Variants in FABP4 observed in about 807,000 individuals in gnomAD.
FABP4 encodes the protein fatty acid binding protein 4.
A neutral mutation model predicts 14.6 loss-of-function variants in FABP4; 17 were observed. The observed-to-expected ratio is 1.16, with a 90% CI of 0.80 to 1.74. FABP4 has a LOEUF of 1.74. Among genes scored for constraint, FABP4 ranks in the 40% most tolerant of loss-of-function variants. The pLI, the probability that FABP4 is intolerant of heterozygous loss-of-function variation, is 0.00. For synonymous variants in FABP4, 54 were observed against 54.6 expected, an observed-to-expected ratio of 0.99 and a Z score of 0.05; for missense variants, 149 against 160.3, an observed-to-expected ratio of 0.93 and a Z score of 0.38.
intron 1 of FABP4, among the ~76,000 whole-genome samples, chr8:81,481,348 C>T (rs1406935144): frequency 6.6e-6 from 1 of 151,966 alleles, no homozygotes; most frequent in African/African-American, 2.4e-5. Context: ...TAATAAATCA[C>T]TATTTCTTAG....
intron 1 of FABP4, among the ~76,000 whole-genome samples, chr8:81,481,563 T>C (rs1808079963): frequency 6.6e-6 from 1 of 152,208 alleles, no homozygotes. Flanking sequence ...AACATGTGCA[T>C]GTAAATCTAA....
chr8:81,479,105 C>T (rs1467727145), intron 3 of FABP4, among the ~76,000 whole-genome samples, 190 bp from the exon 4 acceptor site: 1 of 152,104 alleles, frequency 6.6e-6, no homozygotes, highest in African/African-American at 2.4e-5. Context: ...GTTTTCCCCT[C>T]CAGGTGCCTT....
At position 81,478,820 on chromosome 8, in the gene FABP4, T is replaced by C. The variant is rs372719605; in HGVS notation, c.*45A>G. The C allele has an allele frequency of 2.1e-5, 33 of 1,538,142 alleles. No individual in the cohort carries two copies. The highest frequency in any genetic ancestry group is 2.3e-5 in the Non-Finnish European group (26 of 1,117,926). ...TTGAACAATATATCCCACAGAATGT[T>C]GTAGAGTTCAATGCGAACTTCAGTC... On this transcript the variant is annotated 3_prime_UTR_variant, in exon 4 of 4. Transcript: ENST00000256104.
chr8:81,480,319 T>C (rs1808057320), intron 2 of FABP4, 107 bp downstream of exon 2: 2 of 1,111,898 alleles, frequency 1.8e-6, no homozygotes, highest in Non-Finnish European at 2.6e-6. Flanking sequence ...CAGGGATCTT[T>C]GGCTTATGAT....
At chr8:81,482,596 A>G (rs987857193) in intron 1 of FABP4, among the ~76,000 whole-genome samples, 1 of 152,202 alleles carries the variant, frequency 6.6e-6, no homozygotes, top group Admixed American at 6.5e-5. Context: ...TCATAAAACA[A>G]CCACATATTT....
intron 2 of FABP4, chr8:81,480,001 AG>A (rs1240346785): frequency 6.5e-6 from 1 of 153,590 alleles, no homozygotes; most frequent in Non-Finnish European, 1.4e-5. Flanking sequence ...TGAGGCCAGG[AG>A]TTCGAGACCA....
chr8:81,479,823 C>T (rs930958095), intron 2 of FABP4: 1 of 207,496 alleles, frequency 4.8e-6, no homozygotes. Flanking sequence ...TTTTTATAAA[C>T]ATTCTCTTAC....
rs556831258 is a variant in FABP4, at chr8:81,482,995, C to T, written c.73+100G>A. ...CTATAGAAAGCAGCATTTTTCATTTCTGGCCAGGGCTTCCAGACATTGCTA... is the reference window on the plus strand; with the variant it reads ...CTATAGAAAGCAGCATTTTTCATTTTTGGCCAGGGCTTCCAGACATTGCTA... On this transcript the variant is annotated intron_variant, in intron 1 of 3. Coordinates refer to ENST00000256104, the MANE Select transcript of FABP4 (RefSeq NM_001442.3). 101 of 854,034 alleles carry T rather than the reference C, an allele frequency of 1.2e-4. 1 individual carries two copies. The South Asian group carries it at 2.1e-3, about 18-fold the overall frequency. The allele number at this position is 854,034 out of a possible 1,614,324, so 52.9% of individuals were successfully genotyped here. A position where few individuals can be genotyped will look rare whatever the true frequency, so the allele number is the denominator to read the frequency against.
chr8:81,480,539 C>G lies in FABP4; in HGVS notation c.133G>C (p.Val45Leu), dbSNP rs777718554. The change falls in exon 2 of 4, where the codon GTG (valine) becomes CTG (leucine). Residue 45 changes from valine (V) to leucine (L), a missense_variant. Coordinates refer to ENST00000256104, the MANE Select transcript of FABP4 (RefSeq NM_001442.3). ...TTAATGGTGATCACATCCCCATTCA[C>G]ACTGATGATCATGTTAGGTTTGGCC... The part of the protein sequence containing the change: ...GMAKPNMIIS[V>L]NGDVITIKSE... 6 of 1,613,570 alleles carry G rather than the reference C, an allele frequency of 3.7e-6. No homozygotes were observed. In the East Asian group the frequency reaches 1.3e-4, roughly 36 times the overall value.
intron 2 of FABP4, among the ~76,000 whole-genome samples, 193 bp downstream of exon 2, chr8:81,480,233 A>G (rs550721526): frequency 6.6e-6 from 1 of 152,170 alleles, no homozygotes; most frequent in Non-Finnish European, 1.5e-5. Flanking sequence ...CTTTTTTAAC[A>G]TGAGGACAAC....
At chr8:81,480,852 T>C (rs1808068991) in intron 1 of FABP4, among the ~76,000 whole-genome samples, 3 of 152,078 alleles carry the variant, frequency 2.0e-5, no homozygotes, top group African/African-American at 7.2e-5. Flanking sequence ...TTCTTTAAAC[T>C]TCCCTTTCTC....
intron 3 of FABP4, 128 bp from the exon 4 acceptor site, chr8:81,479,043 T>TA: frequency 1.3e-6 from 1 of 758,946 alleles, no homozygotes. Context: ...CCTATATATG[T>TA]AACCCATATA....
At chr8:81,479,633 A>G (rs1808037871) in intron 2 of FABP4, 118 bp from the exon 3 acceptor site, 2 of 638,666 alleles carry the variant, frequency 3.1e-6, no homozygotes, top group South Asian at 2.3e-5. Context: ...AATGACAAGA[A>G]TATATTGCAA....
intron 1 of FABP4, among the ~76,000 whole-genome samples, chr8:81,481,193 CATGAA>C (rs1808074787): frequency 1.3e-5 from 2 of 152,098 alleles, no homozygotes; most frequent in Admixed American, 6.6e-5. Flanking sequence ...ATTACTCCAC[CATGAA>C]ATGAAGATTT....
rs1425554427 is a variant in FABP4, at chr8:81,480,587, C to G, written c.85G>C (p.Ala29Pro). 1 of 1,611,224 alleles carries G rather than the reference C, an allele frequency of 6.2e-7. No homozygotes were observed. The highest frequency in any genetic ancestry group is 1.1e-5 in the South Asian group (1 of 90,386). ...DYMKEVGVGF[A>P]TRKVAGMAKP... ...GCCATGCCAGCCACTTTCCTGGTGG[C>G]AAAGCCCACTCCTACAGTTAGGAAA... Residue 29 changes from alanine to proline, a missense_variant, in exon 2 of 4, where the codon GCC (alanine) becomes CCC (proline). Ala to Pro is a conservative substitution (Grantham distance 27, BLOSUM62 -1). Transcript: ENST00000256104.
chr8:81,480,713 A>G (rs1266390982), intron 1 of FABP4, 115 bp from the exon 2 acceptor site: 2 of 796,808 alleles, frequency 2.5e-6, no homozygotes, highest in Non-Finnish European at 3.6e-6. Flanking sequence ...AGGCACAGAG[A>G]GTTTCTTAAA....
chr8:81,479,367 A>T (rs1049206118), intron 3 of FABP4, 47 bp downstream of exon 3: 8 of 1,414,692 alleles, frequency 5.7e-6, no homozygotes, highest in Non-Finnish European at 8.0e-6. Context: ...TGATCATGAG[A>T]TAACCTAGCA....
At chr8:81,480,675 G>GCACA in intron 1 of FABP4, 77 bp from the exon 2 acceptor site, 3 of 1,284,784 alleles carry the variant, frequency 2.3e-6, no homozygotes, top group Non-Finnish European at 3.2e-6. Context: ...ATGTGTGTGT[G>GCACA]CACACAGGTG....
rs1808010599 is a variant in FABP4, at chr8:81,478,758, A to C, written c.*107T>G. 5.9e-6 allele frequency: 6 copies of C among 1,015,150 alleles called. No individual in the cohort carries two copies. In the Admixed American group the frequency reaches 9.4e-5, roughly 16 times the overall value. 62.9% of individuals were successfully genotyped at this position (1,015,150 alleles called of 1,614,324 possible). ...AATAAAATCAGCTTGGGAGAAAATT[A>C]GTTGCTTGCTAAATCATGGAAAACA... On this transcript the variant is annotated 3_prime_UTR_variant, in exon 4 of 4. Transcript: ENST00000256104.
Sources: allele counts gnomAD v4.1 joint callset (sites outside exome capture counted in the v4.1 genomes callset), GRCh38; gene constraint gnomAD v4.1.1; transcripts MANE v1.5; gene names NCBI Gene and HGNC (gene_info 2026-07-23, HGNC 2026-07-21).